Variants in SNX29 observed in about 807,000 individuals in gnomAD.
SNX29 encodes the protein sorting nexin-29.
Under a neutral mutation model 102.1 loss-of-function variants are expected in SNX29, and 78 were observed. That is an observed-to-expected ratio of 0.76 (90% CI 0.64 to 0.92). The LOEUF is 0.92. Ranked by LOEUF, SNX29 falls within the 40% of genes least tolerant of loss-of-function variation. The probability of loss-of-function intolerance (pLI) is 0.00; values close to 1 mark genes in which losing one functional copy is unlikely to be tolerated. For missense variants in SNX29, 1,280 were observed against 1,061.7 expected (o/e 1.21, Z -2.86); for synonymous variants, 580 against 414.5 (o/e 1.40, Z -4.85).
At chr16:12,376,606 G>C (rs1597139658) in intron 16 of SNX29, among the ~76,000 whole-genome samples, 1 of 151,614 alleles carries the variant, frequency 6.6e-6, no homozygotes, top group African/African-American at 2.4e-5. Context: ...CATGGCGGCT[G>C]GCACCTATAA....
chr16:12,206,333 T>C (rs1393208144), intron 14 of SNX29, among the ~76,000 whole-genome samples: 1 of 151,760 alleles, frequency 6.6e-6, no homozygotes, highest in African/African-American at 2.4e-5. Context: ...CAACTCCAAT[T>C]TTTTTCATTG....
chr16:12,510,997 C>A (rs536427094), intron 19 of SNX29, among the ~76,000 whole-genome samples: 1 of 152,092 alleles, frequency 6.6e-6, no homozygotes, highest in South Asian at 2.1e-4. Context: ...CACTCTGTCG[C>A]CCAGGCTGGA....
chr16:12,430,883 C>T (rs979952397), intron 18 of SNX29, among the ~76,000 whole-genome samples: 3 of 148,212 alleles, frequency 2.0e-5, no homozygotes, highest in African/African-American at 5.1e-5. Flanking sequence ...TGGAATCTCA[C>T]TCTGTCGTGC....
intron 17 of SNX29, among the ~76,000 whole-genome samples, chr16:12,401,847 A>G (rs1163154186): frequency 6.6e-6 from 1 of 152,214 alleles, no homozygotes; most frequent in Non-Finnish European, 1.5e-5. Context: ...ACTAACATCT[A>G]GGAGGGAGAT....
intron 20 of SNX29, among the ~76,000 whole-genome samples, chr16:12,562,385 C>T (rs759121955): frequency 4.7e-5 from 4 of 84,592 alleles, no homozygotes; most frequent in Non-Finnish European, 9.2e-5. Flanking sequence ...TAAAACAGCT[C>T]AAGAGACAGA....
chr16:12,566,968 T>G (rs930018404), intron 20 of SNX29, among the ~76,000 whole-genome samples: 9 of 152,244 alleles, frequency 5.9e-5, no homozygotes, highest in Non-Finnish European at 1.0e-4. Context: ...GGGATCTCAC[T>G]CGCACAGTGG....
intron 15 of SNX29, among the ~76,000 whole-genome samples, chr16:12,322,319 A>G (rs1271382949): frequency 2.0e-5 from 3 of 152,114 alleles, no homozygotes; most frequent in African/African-American, 7.2e-5. Flanking sequence ...TCTGGTGGAA[A>G]TCAGGGGCTA....
chr16:12,440,487 T>C (rs1361717651), intron 18 of SNX29, among the ~76,000 whole-genome samples: 4 of 152,172 alleles, frequency 2.6e-5, no homozygotes, highest in Non-Finnish European at 5.9e-5. Flanking sequence ...GCAGGTTTGT[T>C]ACGTAGGTGA....
chr16:12,500,400 G>A (rs996051720), intron 19 of SNX29, among the ~76,000 whole-genome samples: 2 of 152,142 alleles, frequency 1.3e-5, no homozygotes, highest in Non-Finnish European at 2.9e-5. Flanking sequence ...CAGGTACACA[G>A]TGAGGTACAT....
In SNX29 at chr16:12,075,934, A is replaced by G. The variant is rs184985655; in HGVS notation, c.1320-2899A>G. Among the ~76,000 whole-genome samples, 239 of 152,306 alleles carry G rather than the reference A, an allele frequency of 1.6e-3. 1 individual carries two copies. The highest frequency in any genetic ancestry group is 5.0e-3 in the African/African-American group (208 of 41,570). On this transcript the variant is annotated intron_variant, in intron 10 of 20. Coordinates refer to ENST00000566228, the MANE Select transcript of SNX29 (RefSeq NM_032167.5). ...TTGATCTCAGACTGCTGTGCTAGCA[A>G]TCAGCGAGACTCCATGGGTGTAGGA...
intron 8 of SNX29, among the ~76,000 whole-genome samples, chr16:12,054,443 A>C (rs1343763443): frequency 6.6e-6 from 1 of 152,248 alleles, no homozygotes; most frequent in Non-Finnish European, 1.5e-5. Flanking sequence ...TGGTGGACTC[A>C]GTAAAGGCGA....
chr16:12,153,405 T>TG (rs1423697795), intron 13 of SNX29, among the ~76,000 whole-genome samples: 1 of 151,852 alleles, frequency 6.6e-6, no homozygotes, highest in African/African-American at 2.4e-5. Context: ...TGGAGGCCCC[T>TG]GGGGAGATCC....
intron 20 of SNX29, among the ~76,000 whole-genome samples, chr16:12,534,275 T>A (rs1486092857): frequency 6.6e-6 from 1 of 152,234 alleles, no homozygotes; most frequent in Non-Finnish European, 1.5e-5. Flanking sequence ...CCGGCACACC[T>A]GCCGTCTTTC....
intron 20 of SNX29, among the ~76,000 whole-genome samples, chr16:12,562,658 C>CG (rs1292491580): frequency 5.9e-5 from 9 of 152,254 alleles, no homozygotes; most frequent in African/African-American, 1.9e-4. Flanking sequence ...TGTTTTATGT[C>CG]GGGAAAGTCT....
At chr16:11,996,851 A>T (rs951647188) in intron 1 of SNX29, among the ~76,000 whole-genome samples, 1 of 152,170 alleles carries the variant, frequency 6.6e-6, no homozygotes, top group Non-Finnish European at 1.5e-5. Context: ...ATGCCTTGAG[A>T]TGCCTCATGG....
At chr16:11,980,813 C>A (rs2055398076) in intron 1 of SNX29, among the ~76,000 whole-genome samples, 1 of 152,134 alleles carries the variant, frequency 6.6e-6, no homozygotes, top group Admixed American at 6.6e-5. Context: ...AGAAATGCCT[C>A]TTCAGATCCT....
At chr16:12,405,378 A>G (rs1318995320) in intron 18 of SNX29, among the ~76,000 whole-genome samples, 2 of 152,098 alleles carry the variant, frequency 1.3e-5, no homozygotes, top group African/African-American at 2.4e-5. Flanking sequence ...CCACTGTGGC[A>G]GTGAAGCCAC....
chr16:12,509,708 C>T (rs1597663623), intron 19 of SNX29, among the ~76,000 whole-genome samples: 2 of 152,272 alleles, frequency 1.3e-5, no homozygotes, highest in East Asian at 3.9e-4. Context: ...GGCTTCAGCC[C>T]AGGAGTTTGA....
intron 20 of SNX29, chr16:12,527,363 A>G (rs952800484): frequency 7.9e-6 from 4 of 505,736 alleles, no homozygotes; most frequent in African/African-American, 7.7e-5. Flanking sequence ...TTAAAAAAAA[A>G]TAAAAAATAA....
Sources: gnomAD v4.1 joint callset for allele counts (sites outside exome capture counted in the v4.1 genomes callset) on GRCh38, gnomAD v4.1.1 for gene constraint, MANE v1.5 for transcripts, NCBI Gene and HGNC (gene_info 2026-07-23, HGNC 2026-07-21) for gene names.